The following FRY variants were observed in gnomAD, a reference collection of about 807,000 sequenced individuals.
FRY encodes protein furry homolog.
In FRY, 128 loss-of-function variants were observed where a neutral mutation model predicts 348.4. The ratio of observed to expected loss-of-function variants is 0.37; its 90% CI spans 0.32 to 0.43. FRY has a LOEUF of 0.43. FRY is among the 20% of genes least tolerant of loss of function. The probability of loss-of-function intolerance (pLI) is 1.00; values close to 1 mark genes in which losing one functional copy is unlikely to be tolerated. For missense variants in FRY, 2,736 were observed against 3,695.2 expected (o/e 0.74, Z 6.73); for synonymous variants, 1,370 against 1,374.7 (o/e 1.00, Z 0.08).
chr13:32,101,922 A>T (rs1164591500), intron 2 of FRY, 41 bp from the exon 3 acceptor site: 8 of 1,043,508 alleles, frequency 7.7e-6, no homozygotes, highest in Non-Finnish European at 1.1e-5. Context: ...TATTTAAGAG[A>T]CTCTAATAAT....
chr13:32,072,767 T>C (rs1874750841), intron 1 of FRY, among the ~76,000 whole-genome samples: 1 of 152,214 alleles, frequency 6.6e-6, no homozygotes, highest in Non-Finnish European at 1.5e-5. Flanking sequence ...AAAGTGTGAT[T>C]CTAAAGAAAG....
Position 32,218,808 on chromosome 13 carries a change from G to A in FRY, c.4742G>A (p.Gly1581Glu), listed in dbSNP as rs1181123536. The change falls in exon 36 of 61, where the codon GGA (glycine) becomes GAA (glutamate). Residue 1581 changes from glycine to glutamate, a missense_variant. Gly to Glu is a moderately conservative substitution (Grantham distance 98). Transcript: ENST00000542859. ...RLESRYSNSS[G>E]GSYDEDKNDP... ...GAGTCAAGATACAGCAATAGCTCTGGAGGATCCTACGATGAAGATAAAAGT... is the reference window on the plus strand; with the variant it reads ...GAGTCAAGATACAGCAATAGCTCTGAAGGATCCTACGATGAAGATAAAAGT... The A allele has an allele frequency of 6.2e-7, 1 of 1,602,828 alleles. No homozygotes were observed. The highest frequency in any genetic ancestry group is 8.5e-7 in the Non-Finnish European group (1 of 1,169,980).
intron 52 of FRY, 56 bp from the exon 53 acceptor site, chr13:32,262,258 G>C: frequency 7.2e-7 from 1 of 1,396,458 alleles, no homozygotes; most frequent in Non-Finnish European, 1.0e-6. Flanking sequence ...AATAAATGGA[G>C]CTTTTAAAGA....
At chr13:32,078,745 C>A in intron 1 of FRY, 89 bp from the exon 2 acceptor site, 2 of 979,334 alleles carry the variant, frequency 2.0e-6, no homozygotes, top group Non-Finnish European at 3.3e-6. Context: ...TGATATGATT[C>A]ATATCCTGAT....
At position 32,274,474 on chromosome 13, in the gene FRY, G is replaced by A. The variant is rs376740243; in HGVS notation, c.8137-368G>A. 4.0e-4 allele frequency among the ~76,000 whole-genome samples: 61 copies of A among 151,168 alleles called. 1 individual carries two copies. In the East Asian group the frequency reaches 4.8e-3, roughly 12 times the overall value. On this transcript the variant is annotated intron_variant, in intron 55 of 60. Coordinates refer to ENST00000542859, the MANE Select transcript of FRY (RefSeq NM_023037.3). Reference sequence around the variant, plus strand: ...TGTAATCCCAGCACTTTGGGAGGCCGAGGCGGGCGGATCACAAGGTCAGAT... The same window carrying A: ...TGTAATCCCAGCACTTTGGGAGGCCAAGGCGGGCGGATCACAAGGTCAGAT...
At chr13:32,173,098 C>A (rs921063077) in intron 18 of FRY, among the ~76,000 whole-genome samples, 1 of 152,150 alleles carries the variant, frequency 6.6e-6, no homozygotes, top group African/African-American at 2.4e-5. Context: ...GTGTTTTTAT[C>A]AACATTAATA....
intron 3 of FRY, 123 bp downstream of exon 3, chr13:32,102,139 T>C (rs188889739): frequency 1.4e-6 from 1 of 709,138 alleles, no homozygotes; most frequent in Admixed American, 1.9e-5. Context: ...GTATGTGGTC[T>C]TAAGAACTGT....
At chr13:32,127,705 G>A (rs914403058) in intron 7 of FRY, among the ~76,000 whole-genome samples, 2 of 152,050 alleles carry the variant, frequency 1.3e-5, no homozygotes, top group African/African-American at 4.8e-5. Flanking sequence ...CTTGAACCCG[G>A]GAGGCGGAGG....
At chr13:32,101,004 T>C (rs2138629916) in intron 2 of FRY, among the ~76,000 whole-genome samples, 1 of 152,312 alleles carries the variant, frequency 6.6e-6, no homozygotes, top group South Asian at 2.1e-4. Context: ...ATTGAGGCCA[T>C]AGCACAATAC....
At chr13:32,039,294 A>G (rs1206528149) in intron 1 of FRY, among the ~76,000 whole-genome samples, 3 of 152,192 alleles carry the variant, frequency 2.0e-5, no homozygotes, top group African/African-American at 7.2e-5. Flanking sequence ...AGCATTTCAG[A>G]CAGGCATTCC....
In FRY at chr13:32,210,985, G is replaced by T; in HGVS notation, c.4542G>T (p.Pro1514=). 1 of 1,613,958 alleles carries T rather than the reference G, an allele frequency of 6.2e-7. No individual in the cohort carries two copies. The highest frequency in any genetic ancestry group is 8.5e-7 in the Non-Finnish European group (1 of 1,179,864). ...VNPIVQHCDN[P]PFYRFTASSK... ...CCATCGTCCAGCATTGTGACAACCC[G>T]CCCTTCTACCGCTTCACGGCCAGTA... The change falls in exon 34 of 61, where the codon CCG becomes CCT. Residue 1514 remains proline (P), a synonymous_variant. Transcript: ENST00000542859.
chr13:32,061,687 A>G (rs1440783017), intron 1 of FRY, among the ~76,000 whole-genome samples: 1 of 152,168 alleles, frequency 6.6e-6, no homozygotes, highest in Non-Finnish European at 1.5e-5. Context: ...AAAAGATAAA[A>G]TATTTTTCCT....
At chr13:32,052,943 G>A (rs768329393) in intron 1 of FRY, among the ~76,000 whole-genome samples, 9 of 152,058 alleles carry the variant, frequency 5.9e-5, no homozygotes, top group Admixed American at 1.3e-4. Flanking sequence ...GTGAAACCCC[G>A]TCTCTACTAA....
Position 32,254,208 on chromosome 13 carries a change from G to C in FRY, c.7246-16G>C. ...AAGGGAGAACGGTTTCTCAGGAGAGGACTCTTGATTCGCAGGTGATTTTTT... is the reference window on the plus strand; with the variant it reads ...AAGGGAGAACGGTTTCTCAGGAGAGCACTCTTGATTCGCAGGTGATTTTTT... On this transcript the variant is annotated splice_polypyrimidine_tract_variant and intron_variant, in intron 50 of 60. Transcript: ENST00000542859. The C allele has an allele frequency of 6.2e-7, 1 of 1,613,216 alleles. No homozygotes were observed. Among genetic ancestry groups the C allele is most frequent in the Non-Finnish European group, 8.5e-7 (1 of 1,179,502 alleles).
Position 32,218,800 on chromosome 13 carries a change from T to C in FRY, c.4734T>C (p.Asn1578=), listed in dbSNP as rs1473855334. 1 of 1,604,494 alleles carries C rather than the reference T, an allele frequency of 6.2e-7. No individual in the cohort carries two copies. Among genetic ancestry groups the C allele is most frequent in the Non-Finnish European group, 8.5e-7 (1 of 1,172,020 alleles). ...CTCGCCTCGAGTCAAGATACAGCAA[T>C]AGCTCTGGAGGATCCTACGATGAAG... ...AHTRLESRYS[N]SSGGSYDEDK... Residue 1578 remains asparagine, a synonymous_variant, in exon 36 of 61, where the codon AAT becomes AAC. Transcript: ENST00000542859.
chr13:32,151,193 CATT>C (rs1255631521), intron 14 of FRY, among the ~76,000 whole-genome samples: 15 of 152,368 alleles, frequency 9.8e-5, no homozygotes, highest in Non-Finnish European at 1.9e-4. Context: ...CTACTACCAT[CATT>C]ATCACTGTCT....
intron 50 of FRY, among the ~76,000 whole-genome samples, chr13:32,253,268 TATA>T (rs1335360956): frequency 1.3e-5 from 2 of 152,252 alleles, no homozygotes; most frequent in East Asian, 3.8e-4. Context: ...TGTCAGGTGC[TATA>T]ATGAGAGGCT....
At chr13:32,172,066 G>T (rs1379256335) in intron 18 of FRY, among the ~76,000 whole-genome samples, 3 of 152,028 alleles carry the variant, frequency 2.0e-5, no homozygotes, top group East Asian at 3.9e-4. Context: ...GTGGATGTAG[G>T]TGTGGGTGTG....
chr13:32,133,944 A>C (rs976357125), intron 8 of FRY, among the ~76,000 whole-genome samples: 2 of 149,858 alleles, frequency 1.3e-5, no homozygotes, highest in African/African-American at 4.9e-5. Context: ...ATGCCCAACT[A>C]ATTTTTGTAT....
Sources: gnomAD v4.1 joint callset for allele counts (sites outside exome capture counted in the v4.1 genomes callset) on GRCh38, gnomAD v4.1.1 for gene constraint, MANE v1.5 for transcripts, NCBI Gene and HGNC (gene_info 2026-07-23, HGNC 2026-07-21) for gene names.